EVC2: variants seen among roughly 807,000 people sequenced by gnomAD.
The protein encoded by EVC2 is limbin.
In EVC2, 148 loss-of-function variants were observed where a neutral mutation model predicts 149.3. The ratio of observed to expected loss-of-function variants is 0.99; its 90% CI spans 0.87 to 1.14. The LOEUF (loss-of-function observed/expected upper bound fraction) is 1.14. EVC2 is among the 50% of genes most tolerant of loss of function. The probability of loss-of-function intolerance (pLI) is 0.00; values close to 1 mark genes in which losing one functional copy is unlikely to be tolerated. For synonymous variants in EVC2, 776 were observed against 649.9 expected (o/e 1.19, Z -2.95); for missense variants, 1,854 against 1,627.3 (o/e 1.14, Z -2.40).
chr4:5,545,696 A>G (rs1474224521), intron 21 of EVC2, among the ~76,000 whole-genome samples: 1 of 152,156 alleles, frequency 6.6e-6, no homozygotes, highest in Non-Finnish European at 1.5e-5. Context: ...CTTTCTTATC[A>G]TCCCTTGCAA....
At chr4:5,694,178 T>A (rs1198938550) in intron 3 of EVC2, among the ~76,000 whole-genome samples, 157 bp downstream of exon 3, 1 of 152,078 alleles carries the variant, frequency 6.6e-6, no homozygotes, top group Non-Finnish European at 1.5e-5. Flanking sequence ...CTTGGAAAAA[T>A]AAATGGATTT....
At chr4:5,579,540 G>A (rs1310408203) in intron 17 of EVC2, among the ~76,000 whole-genome samples, 1 of 152,120 alleles carries the variant, frequency 6.6e-6, no homozygotes, top group Non-Finnish European at 1.5e-5. Flanking sequence ...AAAGGCAGAG[G>A]GAAGATCAGA....
chr4:5,572,963 C>T (rs1482410686), intron 19 of EVC2, among the ~76,000 whole-genome samples: 2 of 152,204 alleles, frequency 1.3e-5, no homozygotes, highest in Non-Finnish European at 2.9e-5. Context: ...AGTGGCGGGC[C>T]CTCATGCCCT....
intron 11 of EVC2, among the ~76,000 whole-genome samples, chr4:5,629,151 G>A (rs979718690): frequency 1.3e-5 from 2 of 152,182 alleles, no homozygotes; most frequent in South Asian, 4.1e-4. Flanking sequence ...CCACCACAGA[G>A]GAGACAAAAC....
intron 17 of EVC2, among the ~76,000 whole-genome samples, chr4:5,577,957 C>T (rs1352078083): frequency 6.6e-6 from 1 of 152,170 alleles, no homozygotes; most frequent in African/African-American, 2.4e-5. Context: ...AGGGTCACAC[C>T]TGAGCCTGTC....
chr4:5,541,780 G>A (rs1230044569), downstream of EVC2, among the ~76,000 whole-genome samples: 1 of 152,092 alleles, frequency 6.6e-6, no homozygotes, highest in Non-Finnish European at 1.5e-5. Flanking sequence ...GAATTCACCC[G>A]TTCATTCAAC....
intron 16 of EVC2, among the ~76,000 whole-genome samples, chr4:5,590,456 T>A (rs1308978975): frequency 1.3e-5 from 2 of 151,472 alleles, no homozygotes; most frequent in Non-Finnish European, 2.9e-5. Flanking sequence ...CTTGCTACAC[T>A]CCCTCCCTCA....
At chr4:5,663,904 G>C (rs1239464963) in intron 8 of EVC2, among the ~76,000 whole-genome samples, 1 of 152,142 alleles carries the variant, frequency 6.6e-6, no homozygotes, top group Non-Finnish European at 1.5e-5. Flanking sequence ...CTGGGAGACA[G>C]AGTGAGACTC....
At chr4:5,531,220 A>T in the EVC2 span, among the ~76,000 whole-genome samples, 1 of 152,156 alleles carries the variant, frequency 6.6e-6, no homozygotes, top group African/African-American at 2.4e-5. Context: ...TAAGGCATGA[A>T]AAGACTTCCC....
At chr4:5,577,561 TTCTGCAG>T (rs1392108719) in intron 17 of EVC2, among the ~76,000 whole-genome samples, 1 of 152,152 alleles carries the variant, frequency 6.6e-6, no homozygotes, top group Non-Finnish European at 1.5e-5. Context: ...TGGTCTAATT[TTCTGCAG>T]AAAGGCCAAA....
At chr4:5,690,822 T>C (rs1721072822) in intron 4 of EVC2, among the ~76,000 whole-genome samples, 1 of 152,310 alleles carries the variant, frequency 6.6e-6, no homozygotes, top group East Asian at 1.9e-4. Context: ...ATGGCTTTTC[T>C]GAGTTCTGTA....
intron 15 of EVC2, among the ~76,000 whole-genome samples, chr4:5,616,354 T>C (rs1033475935): frequency 1.3e-5 from 2 of 151,960 alleles, no homozygotes; most frequent in Non-Finnish European, 2.9e-5. Context: ...CTCTTTAGAG[T>C]TTGCAAGTGC....
Position 5,685,489 on chromosome 4 carries a change from G to A in EVC2, c.707-10C>T, listed in dbSNP as rs1488714716. ...GCAAAGGCATCTCCCACTGCGCAGAGAAAAGCACATGTGACTCAGGGAGGG... is the reference window on the plus strand; with the variant it reads ...GCAAAGGCATCTCCCACTGCGCAGAAAAAAGCACATGTGACTCAGGGAGGG... On this transcript the variant is annotated splice_polypyrimidine_tract_variant and intron_variant, in intron 5 of 21. Transcript: ENST00000344408. 1.2e-6 allele frequency: 2 copies of A among 1,613,392 alleles called. No individual in the cohort carries two copies. Among genetic ancestry groups the A allele is most frequent in the African/African-American group, 2.7e-5 (2 of 74,928 alleles).
intron 7 of EVC2, among the ~76,000 whole-genome samples, chr4:5,678,185 A>G (rs1295296374): frequency 6.6e-6 from 1 of 152,156 alleles, no homozygotes; most frequent in Middle Eastern, 3.2e-3. Flanking sequence ...TGTCTGTACA[A>G]ACAGTGTGGC....
intron 9 of EVC2, among the ~76,000 whole-genome samples, chr4:5,642,320 AT>A (rs371246135): frequency 7.9e-5 from 12 of 152,156 alleles, no homozygotes; most frequent in Middle Eastern, 3.4e-3. Context: ...TTCTATGCAT[AT>A]TTTTTTCATA....
At chr4:5,684,487 G>GA (rs1720558424) in intron 6 of EVC2, among the ~76,000 whole-genome samples, 1 of 152,140 alleles carries the variant, frequency 6.6e-6, no homozygotes, top group Non-Finnish European at 1.5e-5. Flanking sequence ...ACTTTCTCCA[G>GA]AGGCTGAAGA....
chr4:5,601,520 GAA>G (rs60341202), intron 16 of EVC2, among the ~76,000 whole-genome samples: 4 of 136,516 alleles, frequency 2.9e-5, no homozygotes, highest in African/African-American at 7.7e-5. Context: ...TAAAAAAAAG[GAA>G]AAAAAAAAAA....
intron 7 of EVC2, among the ~76,000 whole-genome samples, chr4:5,678,167 T>C (rs1458359845): frequency 6.6e-6 from 1 of 152,216 alleles, no homozygotes; most frequent in African/African-American, 2.4e-5. Context: ...GGCTCTCTGT[T>C]TTCAAACTGT....
chr4:5,623,735 G>A (rs947182515), intron 13 of EVC2, among the ~76,000 whole-genome samples: 4 of 152,148 alleles, frequency 2.6e-5, no homozygotes, highest in African/African-American at 9.7e-5. Flanking sequence ...CCAGGAGACA[G>A]ACCGCCTGGG....
Sources: allele counts gnomAD v4.1 joint callset (sites outside exome capture counted in the v4.1 genomes callset), GRCh38; gene constraint gnomAD v4.1.1; transcripts MANE v1.5; gene names NCBI Gene and HGNC (gene_info 2026-07-23, HGNC 2026-07-21).